Variants in COLEC12 observed in about 807,000 individuals in gnomAD.
COLEC12 encodes the protein collectin subfamily member 12, also known as collectin-12.
COLEC12 carries 33 observed loss-of-function variants against 71.1 expected under a neutral mutation model. The ratio of observed to expected loss-of-function variants is 0.46; its 90% confidence interval spans 0.35 to 0.62. The LOEUF is 0.62. Ranked by LOEUF, COLEC12 falls within the 20% of genes least tolerant of loss-of-function variation. The pLI, the probability that COLEC12 is intolerant of heterozygous loss-of-function variation, is 0.00. For missense variants in COLEC12, 765 were observed against 916.1 expected (o/e 0.84, Z 2.13); for synonymous variants, 350 against 353.0 (o/e 0.99, Z 0.10).
At chr18:484,209 C>A (rs577871879) in intron 1 of COLEC12, among the ~76,000 whole-genome samples, 2 of 152,226 alleles carry the variant, frequency 1.3e-5, no homozygotes, top group East Asian at 3.8e-4. Flanking sequence ...TGACTTCTCT[C>A]TCCTTCCTGA....
intron 2 of COLEC12, among the ~76,000 whole-genome samples, chr18:435,124 C>T (rs1417145681): frequency 6.6e-6 from 1 of 152,166 alleles, no homozygotes. Context: ...AAGATTCTGG[C>T]ACCGAGCACA....
At chr18:456,503 C>T (rs989159820) in intron 2 of COLEC12, among the ~76,000 whole-genome samples, 1 of 152,210 alleles carries the variant, frequency 6.6e-6, no homozygotes, top group Non-Finnish European at 1.5e-5. Flanking sequence ...GGCTCTGCCT[C>T]CAGTGCCGGA....
At chr18:448,150 T>G (rs1474694979) in intron 2 of COLEC12, among the ~76,000 whole-genome samples, 1 of 152,270 alleles carries the variant, frequency 6.6e-6, no homozygotes, top group African/African-American at 2.4e-5. Flanking sequence ...AGTGCCTTTG[T>G]GTCTCTCTTG....
At chr18:450,308 A>G (rs371520784) in intron 2 of COLEC12, among the ~76,000 whole-genome samples, 3 of 152,242 alleles carry the variant, frequency 2.0e-5, no homozygotes, top group South Asian at 2.1e-4. Context: ...GTAATCCCCA[A>G]TGTTGAGGGG....
Position 346,629 on chromosome 18 carries a change from T to C in COLEC12, c.993A>G (p.Gln331=), listed in dbSNP as rs778007722. 1 of 1,614,148 alleles carries C rather than the reference T, an allele frequency of 6.2e-7. No homozygotes were observed. Among genetic ancestry groups the C allele is most frequent in the South Asian group, 1.1e-5 (1 of 91,074 alleles). The part of the protein sequence containing the change: ...AENRTAIKFN[Q]LEERFQLFET... ...CAAAGAGCTGGAAGCGTTCCTCCAG[T>C]TGGTTGAACTTGATGGCTGTTCTAT... Residue 331 remains glutamine, a synonymous_variant, in exon 5 of 10, where the codon CAA becomes CAG. Transcript: ENST00000400256. The surrounding 1 kb of genome is among the most constrained non-coding windows in gnomAD (Gnocchi z 4.0).
chr18:391,774 A>C (rs1161465361), intron 2 of COLEC12, among the ~76,000 whole-genome samples: 1 of 152,186 alleles, frequency 6.6e-6, no homozygotes, highest in Admixed American at 6.5e-5. Context: ...AGGTGGCAAT[A>C]GTTATTTTTA....
At chr18:371,862 C>CAG (rs1259859519) in intron 2 of COLEC12, among the ~76,000 whole-genome samples, 6 of 152,170 alleles carry the variant, frequency 3.9e-5, no homozygotes, top group Non-Finnish European at 7.4e-5. Context: ...TGAGGGGAAA[C>CAG]AAACTGCGGT....
chr18:334,962 T>C lies in COLEC12; in HGVS notation c.1596A>G (p.Pro532=), dbSNP rs1432531956. ...SSGDPGPPGP[P]GKEGLPGPQG... Reference sequence around the variant, plus strand: ...GAGGGCCGGGGAGTCCCTCTTTGCCTGGTGGGCCCGGGGGGCCTGGGTCCC... The same window carrying C: ...GAGGGCCGGGGAGTCCCTCTTTGCCCGGTGGGCCCGGGGGGCCTGGGTCCC... The change falls in exon 6 of 10, where the codon CCA becomes CCG. Residue 532 remains proline (P), a synonymous_variant. Transcript: ENST00000400256. The C allele has an allele frequency of 1.9e-6, 3 of 1,561,086 alleles. No homozygotes were observed. Among genetic ancestry groups the C allele is most frequent in the South Asian group, 2.4e-5 (2 of 84,844 alleles).
intron 2 of COLEC12, among the ~76,000 whole-genome samples, chr18:432,810 C>T (rs1916331112): frequency 6.6e-6 from 1 of 152,210 alleles, no homozygotes; most frequent in African/African-American, 2.4e-5. Flanking sequence ...CGGCGCTCAC[C>T]TCCCCAAGCA....
At chr18:468,408 T>A (rs1917129907) in intron 2 of COLEC12, among the ~76,000 whole-genome samples, 1 of 152,180 alleles carries the variant, frequency 6.6e-6, no homozygotes, top group Non-Finnish European at 1.5e-5. Flanking sequence ...CAGAAGGGCT[T>A]ATTTGAGACC....
chr18:391,124 G>A (rs1250353031), intron 2 of COLEC12, among the ~76,000 whole-genome samples: 1 of 152,170 alleles, frequency 6.6e-6, no homozygotes, highest in Non-Finnish European at 1.5e-5. Context: ...TTGGCTGTCA[G>A]GGGGTCTTAT....
chr18:400,230 A>G (rs1915655414), intron 2 of COLEC12, among the ~76,000 whole-genome samples: 1 of 152,154 alleles, frequency 6.6e-6, no homozygotes, highest in Non-Finnish European at 1.5e-5. Context: ...GCTCTAAAAA[A>G]ATGGAGCAAA....
chr18:387,820 G>T (rs1368678523), intron 2 of COLEC12, among the ~76,000 whole-genome samples: 1 of 152,056 alleles, frequency 6.6e-6, no homozygotes, highest in Non-Finnish European at 1.5e-5. Context: ...TAGCTTGTGG[G>T]GCTTATCAGA....
At chr18:335,680 C>T (rs1009323346) in intron 5 of COLEC12, among the ~76,000 whole-genome samples, 3 of 152,176 alleles carry the variant, frequency 2.0e-5, no homozygotes, top group African/African-American at 7.2e-5. Context: ...CTTGGACTTG[C>T]GGCCTCCAGA....
chr18:495,879 A>G (rs916084323), intron 1 of COLEC12, among the ~76,000 whole-genome samples: 1 of 152,216 alleles, frequency 6.6e-6, no homozygotes, highest in African/African-American at 2.4e-5. Flanking sequence ...CCCTTAGACA[A>G]GTAACACAAC....
intron 2 of COLEC12, among the ~76,000 whole-genome samples, chr18:458,385 CT>C (rs1279238889): frequency 6.6e-6 from 1 of 152,252 alleles, no homozygotes; most frequent in Non-Finnish European, 1.5e-5. Flanking sequence ...GAGCAACTGT[CT>C]TTTCCCCAGC....
At chr18:321,878 G>C (rs527678203) in intron 8 of COLEC12, 71 bp from the exon 9 acceptor site, 2 of 1,471,004 alleles carry the variant, frequency 1.4e-6, no homozygotes, top group African/African-American at 2.8e-5. Flanking sequence ...AAGAGCAGCA[G>C]AGAATATAAA....
chr18:346,319 T>C lies in COLEC12; in HGVS notation c.1303A>G (p.Ile435Val). The change falls in exon 5 of 10, where the codon ATC becomes GTC. Residue 435 changes from isoleucine (I) to valine (V), a missense_variant. Transcript: ENST00000400256. This position sits in a 1 kb window ranked among gnomAD's most constrained non-coding sequence, Gnocchi z 4.0. ...CCTTGTAGTATTGTAAAATTCTTGA[T>C]GAGCTGACCATGCTTGGAGTCTACT... ...KLVDSKHGQL[I>V]KNFTILQGPP... 1 of 1,604,204 alleles carries C rather than the reference T, an allele frequency of 6.2e-7. No individual in the cohort carries two copies. The highest frequency in any genetic ancestry group is 1.7e-5 in the Admixed American group (1 of 59,740).
intron 2 of COLEC12, among the ~76,000 whole-genome samples, chr18:438,539 G>A (rs1916450114): frequency 6.6e-6 from 1 of 152,266 alleles, no homozygotes; most frequent in South Asian, 2.1e-4. Context: ...CCAGCTGGGT[G>A]CTGTGGTTCA....
Sources: gnomAD v4.1 joint callset for allele counts (sites outside exome capture counted in the v4.1 genomes callset) on GRCh38, gnomAD v4.1.1 for gene constraint, Gnocchi (gnomAD v3.1) non-coding constraint, MANE v1.5 for transcripts, NCBI Gene and HGNC (gene_info 2026-07-23, HGNC 2026-07-21) for gene names.